Variants in KCTD16 observed in about 807,000 individuals in gnomAD.
KCTD16 encodes the protein potassium channel tetramerization domain containing 16, also known as BTB/POZ domain-containing protein KCTD16.
In KCTD16, 13 loss-of-function variants were observed where a neutral mutation model predicts 33.2. That is an observed-to-expected ratio of 0.39 (90% CI 0.25 to 0.62). The LOEUF is 0.62. Among genes scored for constraint, KCTD16 ranks in the 20% least tolerant of loss-of-function variants. The probability of loss-of-function intolerance (pLI) is 0.50; values close to 1 mark genes in which losing one functional copy is unlikely to be tolerated. For synonymous variants in KCTD16, 197 were observed against 195.3 expected (o/e 1.01, Z -0.07); for missense variants, 441 against 525.1 (o/e 0.84, Z 1.57).
intron 3 of KCTD16, among the ~76,000 whole-genome samples, chr5:144,261,066 G>C (rs933791602): frequency 3.3e-5 from 5 of 149,382 alleles, no homozygotes. Context: ...AATTAGCTTA[G>C]CAACAGAGGC....
Position 144,316,910 on chromosome 5 carries a change from C to T in KCTD16, c.832+109364C>T, listed in dbSNP as rs999963763. On this transcript the variant is annotated intron_variant, in intron 3 of 3. Transcript: ENST00000512467. ...TGGTGTGATCTCGGCTCACTGCAACCTGCACCTCATGAGTTCAAGTGATTC... is the reference window on the plus strand; with the variant it reads ...TGGTGTGATCTCGGCTCACTGCAACTTGCACCTCATGAGTTCAAGTGATTC... Among the ~76,000 whole-genome samples, 16 of 145,652 alleles carry T rather than the reference C, an allele frequency of 1.1e-4. No homozygotes were observed. The South Asian group carries it at 1.3e-3, about 12-fold the overall frequency.
Position 144,483,034 on chromosome 5 carries a change from C to CA in KCTD16, c.*8927dup, listed in dbSNP as rs140688937. The stretch of plus-strand genomic sequence containing the variant: ...GATTTAATATCTATGAATAATAAAC[C>CA]AAAAAAAGTGCATTTAAGGAAACAC... On this transcript the variant is annotated 3_prime_UTR_variant, in exon 4 of 4. Coordinates refer to ENST00000512467, the MANE Select transcript of KCTD16 (RefSeq NM_020768.4). The CA allele has an allele frequency of 6.8e-6, 1 of 146,980 alleles. No individual in the cohort carries two copies. Among genetic ancestry groups the CA allele is most frequent in the Non-Finnish European group, 1.5e-5 (1 of 66,806 alleles). The allele number at this position is 146,980 out of a possible 1,614,324, so 9.1% of individuals were successfully genotyped here.
At chr5:144,224,504 G>T (rs531827193) in intron 3 of KCTD16, among the ~76,000 whole-genome samples, 1 of 150,808 alleles carries the variant, frequency 6.6e-6, no homozygotes, top group Admixed American at 6.6e-5. Context: ...TCTATTTTGG[G>T]TGTGTTCGCA....
intron 3 of KCTD16, among the ~76,000 whole-genome samples, chr5:144,282,669 G>A (rs1755638525): frequency 6.6e-6 from 1 of 152,122 alleles, no homozygotes. Flanking sequence ...GTAGAAAGCA[G>A]GAAAAGCACT....
chr5:144,350,064 A>T (rs1751370383), intron 3 of KCTD16, among the ~76,000 whole-genome samples: 1 of 152,210 alleles, frequency 6.6e-6, no homozygotes, highest in Non-Finnish European at 1.5e-5. Context: ...TAAGACAGAA[A>T]TTGGACTCCC....
At chr5:144,356,031 T>C (rs1461227806) in intron 3 of KCTD16, among the ~76,000 whole-genome samples, 2 of 152,182 alleles carry the variant, frequency 1.3e-5, no homozygotes, top group Non-Finnish European at 2.9e-5. Flanking sequence ...TGAATTCTAC[T>C]GAGTTTATTG....
At chr5:144,418,459 C>G (rs371825220) in intron 3 of KCTD16, among the ~76,000 whole-genome samples, 2 of 152,020 alleles carry the variant, frequency 1.3e-5, no homozygotes, top group African/African-American at 4.8e-5. Context: ...GTTTACAAAC[C>G]TTTAGCAAGA....
At chr5:144,298,439 G>C (rs996482808) in intron 3 of KCTD16, among the ~76,000 whole-genome samples, 1 of 152,216 alleles carries the variant, frequency 6.6e-6, no homozygotes, top group Admixed American at 6.5e-5. Flanking sequence ...GAGAGAAGCT[G>C]GTTCTGCCAG....
rs1753211429 is a variant in KCTD16, at chr5:144,207,245, C to A, written c.531C>A (p.Gly177=). The A allele has an allele frequency of 2.5e-6, 4 of 1,614,110 alleles. No individual in the cohort carries two copies. Among genetic ancestry groups the A allele is most frequent in the Non-Finnish European group, 3.4e-6 (4 of 1,180,008 alleles). ...TVGYRGSCTL[G]REGQADAKFR... ...GTTACAGAGGATCCTGCACCTTGGGCAGAGAGGGACAGGCAGATGCCAAGT... is the reference window on the plus strand; with the variant it reads ...GTTACAGAGGATCCTGCACCTTGGGAAGAGAGGGACAGGCAGATGCCAAGT... The change falls in exon 3 of 4, where the codon GGC becomes GGA. Residue 177 remains glycine, a synonymous_variant. Transcript: ENST00000512467.
chr5:144,390,690 C>T (rs913463718), intron 3 of KCTD16, among the ~76,000 whole-genome samples: 6 of 152,024 alleles, frequency 3.9e-5, no homozygotes, highest in East Asian at 3.9e-4. Context: ...CCCCTACCCC[C>T]GACGGGCCCC....
chr5:144,354,202 A>G (rs1751517105), intron 3 of KCTD16, among the ~76,000 whole-genome samples: 1 of 152,142 alleles, frequency 6.6e-6, no homozygotes, highest in Non-Finnish European at 1.5e-5. Context: ...TTAATATATC[A>G]TAGACTTTTG....
At chr5:144,399,135 T>C (rs888601348) in intron 3 of KCTD16, among the ~76,000 whole-genome samples, 1 of 152,170 alleles carries the variant, frequency 6.6e-6, no homozygotes, top group Non-Finnish European at 1.5e-5. Context: ...AATCTGAAGA[T>C]TAAAGCAAAA....
At chr5:144,280,938 C>T (rs185600404) in intron 3 of KCTD16, among the ~76,000 whole-genome samples, 14 of 151,058 alleles carry the variant, frequency 9.3e-5, no homozygotes, top group African/African-American at 3.4e-4. Flanking sequence ...GCCTGTAGTC[C>T]CAGCTACTCG....
intron 3 of KCTD16, among the ~76,000 whole-genome samples, chr5:144,392,245 C>T (rs904622863): frequency 6.6e-6 from 1 of 152,046 alleles, no homozygotes; most frequent in African/African-American, 2.4e-5. Flanking sequence ...GGAAAAAGCC[C>T]CATGAATTCA....
At chr5:144,463,095 C>T (rs1220741139) in intron 3 of KCTD16, among the ~76,000 whole-genome samples, 1 of 152,098 alleles carries the variant, frequency 6.6e-6, no homozygotes, top group African/African-American at 2.4e-5. Flanking sequence ...CAATCTTTGT[C>T]CCTGAGCCAA....
At chr5:144,431,041 G>A (rs1753447844) in intron 3 of KCTD16, among the ~76,000 whole-genome samples, 1 of 151,988 alleles carries the variant, frequency 6.6e-6, no homozygotes, top group African/African-American at 2.4e-5. Flanking sequence ...CCCCAAGAAA[G>A]CTCTCCATGA....
intron 3 of KCTD16, among the ~76,000 whole-genome samples, chr5:144,449,602 G>C (rs966262437): frequency 6.6e-6 from 1 of 151,882 alleles, no homozygotes; most frequent in Non-Finnish European, 1.5e-5. Context: ...ATGTTACAGA[G>C]CTATGGTAAT....
intron 3 of KCTD16, chr5:144,377,743 G>A (rs896776878): frequency 2.0e-5 from 3 of 152,124 alleles, no homozygotes; most frequent in Non-Finnish European, 4.4e-5. Context: ...GTCATTTCAG[G>A]TTCACTAAGT....
At chr5:144,173,914 T>TTC (rs1381242579) in intron 1 of KCTD16, among the ~76,000 whole-genome samples, 1 of 151,888 alleles carries the variant, frequency 6.6e-6, no homozygotes, top group African/African-American at 2.4e-5. Context: ...TTTTTTTTTT[T>TTC]TTTGGCATTG....
Sources: gnomAD v4.1 joint callset for allele counts (sites outside exome capture counted in the v4.1 genomes callset) on GRCh38, gnomAD v4.1.1 for gene constraint, MANE v1.5 for transcripts, NCBI Gene and HGNC (gene_info 2026-07-23, HGNC 2026-07-21) for gene names.